SLC24A2: variants seen among roughly 807,000 people sequenced by gnomAD.
SLC24A2 encodes sodium/potassium/calcium exchanger 2.
In SLC24A2, 36 loss-of-function variants were observed where a neutral mutation model predicts 62.0. The observed-to-expected ratio is 0.58, with a 90% confidence interval of 0.44 to 0.77. The LOEUF is 0.77. SLC24A2 is among the 30% of genes least tolerant of loss of function. SLC24A2 has a pLI of 0.00. For synonymous variants in SLC24A2, 358 were observed against 294.0 expected, an observed-to-expected ratio of 1.22 and a Z score of -2.23; for missense variants, 846 against 817.9, an observed-to-expected ratio of 1.03 and a Z score of -0.42.
the SLC24A2 span, among the ~76,000 whole-genome samples, chr9:20,279,549 T>TA: frequency 6.6e-6 from 1 of 152,108 alleles, no homozygotes; most frequent in Non-Finnish European, 1.5e-5. Context: ...AAACAAAAAA[T>TA]AAAAATAAAG....
At chr9:19,812,985 C>A in the SLC24A2 span, among the ~76,000 whole-genome samples, 3 of 152,174 alleles carry the variant, frequency 2.0e-5, no homozygotes, top group African/African-American at 7.2e-5. Flanking sequence ...AAACTCTGTT[C>A]TGTTTTCCAG....
chr9:20,103,127 T>C, the SLC24A2 span, among the ~76,000 whole-genome samples: 7 of 152,292 alleles, frequency 4.6e-5, no homozygotes, highest in East Asian at 3.9e-4. Context: ...AACTGCAAGG[T>C]GGCAGCCAGG....
chr9:19,665,100 T>G (rs1819210812), intron 2 of SLC24A2, among the ~76,000 whole-genome samples: 2 of 152,194 alleles, frequency 1.3e-5, no homozygotes, highest in Non-Finnish European at 2.9e-5. Context: ...GCCCTCACTC[T>G]TACCAGTAAG....
the SLC24A2 span, among the ~76,000 whole-genome samples, chr9:20,300,341 C>T: frequency 1.3e-5 from 2 of 152,138 alleles, no homozygotes; most frequent in African/African-American, 4.8e-5. Flanking sequence ...CTCCATCAAA[C>T]TTTGTGACTT....
intron 2 of SLC24A2, among the ~76,000 whole-genome samples, chr9:19,727,595 G>A (rs1382723859): frequency 2.0e-5 from 3 of 152,198 alleles, no homozygotes; most frequent in Admixed American, 6.5e-5. Context: ...GCAGACACTC[G>A]TACCTGTTTG....
chr9:20,133,215 T>C, the SLC24A2 span, among the ~76,000 whole-genome samples: 2 of 152,158 alleles, frequency 1.3e-5, no homozygotes, highest in South Asian at 4.2e-4. Context: ...TAATAAATCA[T>C]ACATGCATGC....
chr9:19,729,207 T>A (rs747051616), intron 2 of SLC24A2, among the ~76,000 whole-genome samples: 2 of 152,150 alleles, frequency 1.3e-5, no homozygotes, highest in Middle Eastern at 3.2e-3. Context: ...CCAGTTAGGA[T>A]GGCTATTATC....
At chr9:20,064,267 G>T in the SLC24A2 span, among the ~76,000 whole-genome samples, 2 of 152,158 alleles carry the variant, frequency 1.3e-5, no homozygotes, top group African/African-American at 4.8e-5. Context: ...GCACAAAAAT[G>T]CATATTTATA....
intron 2 of SLC24A2, among the ~76,000 whole-genome samples, chr9:19,779,024 T>A (rs185223276): frequency 2.0e-5 from 3 of 152,118 alleles, no homozygotes; most frequent in Admixed American, 2.0e-4. Flanking sequence ...AGAAAGTCAA[T>A]AGATGCGCTT....
chr9:19,946,339 A>G, the SLC24A2 span, among the ~76,000 whole-genome samples: 1 of 152,200 alleles, frequency 6.6e-6, no homozygotes, highest in East Asian at 1.9e-4. Context: ...CCAGAGTATC[A>G]TAATTTCAAC....
chr9:19,629,436 G>C (rs984770528), intron 2 of SLC24A2, among the ~76,000 whole-genome samples: 1 of 152,210 alleles, frequency 6.6e-6, no homozygotes, highest in Non-Finnish European at 1.5e-5. Flanking sequence ...CAAAAAGCTA[G>C]TATCTGGGAG....
the SLC24A2 span, among the ~76,000 whole-genome samples, chr9:20,131,053 C>G: frequency 6.6e-6 from 1 of 151,328 alleles, no homozygotes; most frequent in Non-Finnish European, 1.5e-5. Flanking sequence ...CTTCTATTTT[C>G]AAGAATGTGG....
the SLC24A2 span, among the ~76,000 whole-genome samples, chr9:20,255,100 T>C: frequency 1.3e-5 from 2 of 152,200 alleles, no homozygotes; most frequent in Admixed American, 1.3e-4. Flanking sequence ...AACCATATCA[T>C]GAGTTGTTAT....
chr9:19,890,687 A>G, the SLC24A2 span, among the ~76,000 whole-genome samples: 1 of 151,982 alleles, frequency 6.6e-6, no homozygotes, highest in Non-Finnish European at 1.5e-5. Context: ...AAATTAATTT[A>G]CTGTTTTGAT....
At chr9:19,634,606 T>C (rs1818266645) in intron 2 of SLC24A2, among the ~76,000 whole-genome samples, 1 of 152,176 alleles carries the variant, frequency 6.6e-6, no homozygotes, top group South Asian at 2.1e-4. Context: ...AGCCTCTTAA[T>C]GACTTTACTT....
the SLC24A2 span, among the ~76,000 whole-genome samples, chr9:19,913,363 C>T: frequency 6.6e-6 from 1 of 152,068 alleles, no homozygotes; most frequent in Admixed American, 6.6e-5. Context: ...TGACTTCATC[C>T]CTCAGGCCAT....
At chr9:19,692,644 C>G (rs1304736762) in intron 2 of SLC24A2, among the ~76,000 whole-genome samples, 2 of 152,112 alleles carry the variant, frequency 1.3e-5, no homozygotes, top group Admixed American at 1.3e-4. Flanking sequence ...TCTTTATTCA[C>G]TCAGCCTGCT....
At chr9:20,243,123 C>A in the SLC24A2 span, among the ~76,000 whole-genome samples, 1 of 152,132 alleles carries the variant, frequency 6.6e-6, no homozygotes, top group Admixed American at 6.5e-5. Context: ...TCCACACCCA[C>A]CCCCCATATT....
At chr9:20,006,595 A>C in the SLC24A2 span, among the ~76,000 whole-genome samples, 1 of 152,126 alleles carries the variant, frequency 6.6e-6, no homozygotes, top group East Asian at 1.9e-4. Context: ...AATATACAAA[A>C]CTACTATGTA....
Sources: gnomAD v4.1 joint callset for allele counts (sites outside exome capture counted in the v4.1 genomes callset) on GRCh38, gnomAD v4.1.1 for gene constraint, MANE v1.5 for transcripts, NCBI Gene and HGNC (gene_info 2026-07-23, HGNC 2026-07-21) for gene names.